The following PCDHGA8 variants were observed in gnomAD, a reference collection of about 807,000 sequenced individuals.
The protein encoded by PCDHGA8 is protocadherin gamma subfamily A, 8, also known as protocadherin gamma-A8.
A neutral mutation model predicts 59.2 loss-of-function variants in PCDHGA8; 45 were observed. That is an observed-to-expected ratio of 0.76 (90% CI 0.60 to 0.98). The LOEUF (loss-of-function observed/expected upper bound fraction) is 0.98. Among genes scored for constraint, PCDHGA8 ranks in the 50% least tolerant of loss-of-function variants. The probability of loss-of-function intolerance (pLI) is 0.00; values close to 1 mark genes in which losing one functional copy is unlikely to be tolerated. For missense variants in PCDHGA8, 1,257 were observed against 1,196.2 expected (o/e 1.05, Z -0.75); for synonymous variants, 531 against 519.0 (o/e 1.02, Z -0.32).
chr5:141,510,420 G>T (rs1275392355), intron 3 of PCDHGA8, among the ~76,000 whole-genome samples: 3 of 152,126 alleles, frequency 2.0e-5, no homozygotes, highest in African/African-American at 7.2e-5. Flanking sequence ...TAAAGCCATG[G>T]TTTCATGGCT....
intron 1 of PCDHGA8, chr5:141,400,116 C>G (rs2093964416): frequency 6.2e-7 from 1 of 1,614,086 alleles, no homozygotes; most frequent in African/African-American, 1.3e-5. Context: ...TTGCTGACAG[C>G]TTGCAGGAGG....
At chr5:141,427,484 T>C (rs766997973) in intron 1 of PCDHGA8, 7 of 539,726 alleles carry the variant, frequency 1.3e-5, no homozygotes, top group Non-Finnish European at 2.5e-5. Context: ...ATAATGACTA[T>C]AAGCTTGTAA....
chr5:141,502,514 T>A (rs2099814743), intron 2 of PCDHGA8, among the ~76,000 whole-genome samples: 1 of 152,202 alleles, frequency 6.6e-6, no homozygotes, highest in African/African-American at 2.4e-5. Flanking sequence ...TGTCCCACTA[T>A]CAGTGATGCC....
At chr5:141,403,131 C>A (rs1377543238) in intron 1 of PCDHGA8, 2 of 1,613,916 alleles carry the variant, frequency 1.2e-6, no homozygotes, top group East Asian at 4.5e-5. Context: ...CGGGAGCTGG[C>A]GGAGCGCCGA....
At chr5:141,482,852 A>G (rs1237049208) in intron 1 of PCDHGA8, among the ~76,000 whole-genome samples, 1 of 144,420 alleles carries the variant, frequency 6.9e-6, no homozygotes, top group Non-Finnish European at 1.5e-5. Flanking sequence ...TGGGCAGATC[A>G]CTTGAGGTCA....
In PCDHGA8 at chr5:141,490,658, T is replaced by A. The variant is rs776806248; in HGVS notation, c.2425-4149T>A. The A allele has an allele frequency of 8.1e-6, 13 of 1,614,204 alleles. No homozygotes were observed. The South Asian group carries it at 1.4e-4, about 18-fold the overall frequency. ...GAAAACCGGCCTCCGGGCTCCCTTC[T>A]TTGCACTGTGGCTGCCTCAGATCCA... On this transcript the variant is annotated intron_variant, in intron 1 of 3. Transcript: ENST00000398604. The surrounding 1 kb of genome is among the most constrained non-coding windows in gnomAD (Gnocchi z 5.4).
At chr5:141,449,349 G>C (rs191322076) in intron 1 of PCDHGA8, among the ~76,000 whole-genome samples, 2 of 152,074 alleles carry the variant, frequency 1.3e-5, no homozygotes, top group African/African-American at 4.8e-5. Flanking sequence ...GCTCACTCCT[G>C]TAATCCCAGC....
In PCDHGA8 at chr5:141,431,643, A is replaced by G. The variant is rs528599572; in HGVS notation, c.2424+36406A>G. Reference sequence around the variant, plus strand: ...AAGGCGGCCCAAGTTTTCAAACTAGATTGTAATTCAGGGACAATATCAACA... The same window carrying G: ...AAGGCGGCCCAAGTTTTCAAACTAGGTTGTAATTCAGGGACAATATCAACA... On this transcript the variant is annotated intron_variant, in intron 1 of 3. Coordinates refer to ENST00000398604, the MANE Select transcript of PCDHGA8 (RefSeq NM_032088.2). The surrounding 1 kb of genome is among the most constrained non-coding windows in gnomAD (Gnocchi z 4.8). 5.0e-5 allele frequency: 81 copies of G among 1,614,240 alleles called. No individual in the cohort carries two copies. In the South Asian group the frequency reaches 7.4e-4, roughly 15 times the overall value.
chr5:141,447,064 C>T (rs1453083716), intron 1 of PCDHGA8, among the ~76,000 whole-genome samples: 1 of 152,064 alleles, frequency 6.6e-6, no homozygotes, highest in Non-Finnish European at 1.5e-5. Context: ...ATGTGTCAGG[C>T]TGTTTTAATT....
intron 1 of PCDHGA8, among the ~76,000 whole-genome samples, chr5:141,456,790 C>T (rs1364747385): frequency 6.6e-6 from 1 of 151,976 alleles, no homozygotes; most frequent in Admixed American, 6.6e-5. Flanking sequence ...TGGCAAAACC[C>T]CATCTCTACT....
intron 1 of PCDHGA8, chr5:141,404,457 C>A: frequency 1.2e-6 from 2 of 1,612,824 alleles, no homozygotes; most frequent in Non-Finnish European, 1.7e-6. Flanking sequence ...TCTCCTCTCT[C>A]CACCTATGTC....
chr5:141,403,210 C>T lies in PCDHGA8; in HGVS notation c.2424+7973C>T, dbSNP rs369033480. 123 of 1,613,946 alleles carry T rather than the reference C, an allele frequency of 7.6e-5. No homozygotes were observed. In the Middle Eastern group the frequency reaches 1.2e-3, roughly 15 times the overall value. On this transcript the variant is annotated intron_variant, in intron 1 of 3. Coordinates refer to ENST00000398604, the MANE Select transcript of PCDHGA8 (RefSeq NM_032088.2). Reference sequence around the variant, plus strand: ...ACCCGCGCAGCGGCACCTTGGTCACCGCGGGTAGGATAGACCGGGAGGAGC... The same window carrying T: ...ACCCGCGCAGCGGCACCTTGGTCACTGCGGGTAGGATAGACCGGGAGGAGC...
intron 1 of PCDHGA8, chr5:141,422,160 A>C: frequency 6.4e-7 from 1 of 1,573,304 alleles, no homozygotes; most frequent in South Asian, 1.2e-5. Context: ...TGGATTTTGA[A>C]AAATATAGAT....
chr5:141,444,640 G>A (rs192148868), intron 1 of PCDHGA8, among the ~76,000 whole-genome samples: 3 of 152,196 alleles, frequency 2.0e-5, no homozygotes, highest in Non-Finnish European at 2.9e-5. Flanking sequence ...GTTCATTGAG[G>A]TAGGGGTTGA....
At position 141,393,553 on chromosome 5, in the gene PCDHGA8, A is replaced by T. The variant is rs377510269; in HGVS notation, c.740A>T (p.Tyr247Phe). The T allele has an allele frequency of 6.2e-7, 1 of 1,613,928 alleles. No individual in the cohort carries two copies. Among genetic ancestry groups the T allele is most frequent in the African/African-American group, 1.3e-5 (1 of 75,042 alleles). ...GCCCCGGTTTTTCCTCACCCGATTT[A>T]CCGAGTGAAAGTCCTTGAGAACATG... is the stretch of plus-strand genomic sequence containing the variant. Reference protein sequence around the residue: ...DNAPVFPHPIYRVKVLENMPP... With the variant: ...DNAPVFPHPIFRVKVLENMPP... Residue 247 changes from tyrosine (Y) to phenylalanine (F), a missense_variant, in exon 1 of 4, where the codon TAC (tyrosine) becomes TTC (phenylalanine). By Grantham distance (22) the Tyr-to-Phe change is conservative (BLOSUM62 3). Coordinates refer to ENST00000398604, the MANE Select transcript of PCDHGA8 (RefSeq NM_032088.2).
intron 2 of PCDHGA8, among the ~76,000 whole-genome samples, chr5:141,497,578 T>C (rs2099778035): frequency 1.3e-5 from 2 of 150,806 alleles, no homozygotes; most frequent in South Asian, 4.2e-4. Context: ...CTTGCTCTGT[T>C]GCCCAAGCTG....
At chr5:141,506,735 G>A (rs1467217136) in intron 3 of PCDHGA8, among the ~76,000 whole-genome samples, 1 of 152,098 alleles carries the variant, frequency 6.6e-6, no homozygotes, top group Non-Finnish European at 1.5e-5. Context: ...TTAGAATAAT[G>A]CCTATTAATA....
At position 141,511,563 on chromosome 5, in the gene PCDHGA8, C is replaced by T. The variant is rs911782127; in HGVS notation, c.*390C>T. ...CCCCACTCCAACAGTTCCTCTTTCCCGAGTAAGGTGGTTGGGGTGTTGAAG... is the reference window on the plus strand; with the variant it reads ...CCCCACTCCAACAGTTCCTCTTTCCTGAGTAAGGTGGTTGGGGTGTTGAAG... On this transcript the variant is annotated 3_prime_UTR_variant, in exon 4 of 4. Coordinates refer to ENST00000398604, the MANE Select transcript of PCDHGA8 (RefSeq NM_032088.2). The T allele has an allele frequency of 7.8e-5, 23 of 295,048 alleles. No homozygotes were observed. The highest frequency in any genetic ancestry group is 3.4e-4 in the African/African-American group (16 of 46,532). The allele number at this position is 295,048 out of a possible 1,614,324, so 18.3% of individuals were successfully genotyped here. A position where few individuals can be genotyped will look rare whatever the true frequency, so the allele number is the denominator to read the frequency against.
intron 1 of PCDHGA8, among the ~76,000 whole-genome samples, chr5:141,420,742 A>T (rs967908996): frequency 6.6e-6 from 1 of 152,254 alleles, no homozygotes; most frequent in African/African-American, 2.4e-5. Flanking sequence ...AATCAATTGG[A>T]ACCAACTACA....
Sources: allele counts gnomAD v4.1 joint callset (sites outside exome capture counted in the v4.1 genomes callset), GRCh38; gene constraint gnomAD v4.1.1; non-coding constraint Gnocchi (gnomAD v3.1); transcripts MANE v1.5; gene names NCBI Gene and HGNC (gene_info 2026-07-23, HGNC 2026-07-21).